GALNTL6: variants seen among roughly 807,000 people sequenced by gnomAD.
The protein encoded by GALNTL6 is polypeptide N-acetylgalactosaminyltransferase-like 6.
A neutral mutation model predicts 73.7 loss-of-function variants in GALNTL6; 46 were observed. That is an observed-to-expected ratio of 0.62 (90% CI 0.49 to 0.80). The LOEUF (loss-of-function observed/expected upper bound fraction) is 0.80, where lower values mean the gene tolerates loss of function less well. Ranked by LOEUF, GALNTL6 falls within the 30% of genes least tolerant of loss-of-function variation. The pLI, the probability that GALNTL6 is intolerant of heterozygous loss-of-function variation, is 0.00. For missense variants in GALNTL6, 604 were observed against 755.0 expected (o/e 0.80, Z 2.34); for synonymous variants, 259 against 263.7 (o/e 0.98, Z 0.17).
chr4:172,495,694 T>C (rs906860313), intron 5 of GALNTL6, among the ~76,000 whole-genome samples: 1 of 152,198 alleles, frequency 6.6e-6, no homozygotes, highest in African/African-American at 2.4e-5. Context: ...CAATCATCAA[T>C]GTGTAGATGG....
chr4:172,748,066 G>A (rs1737214744), intron 5 of GALNTL6, among the ~76,000 whole-genome samples: 1 of 152,114 alleles, frequency 6.6e-6, no homozygotes, highest in Non-Finnish European at 1.5e-5. Flanking sequence ...ATTGATATAA[G>A]CAAGACTTAG....
chr4:172,324,276 C>T lies in GALNTL6; in HGVS notation c.386+12524C>T, dbSNP rs148867787. On this transcript the variant is annotated intron_variant, in intron 4 of 12. Coordinates refer to ENST00000506823, the MANE Select transcript of GALNTL6 (RefSeq NM_001034845.3). ...CGTTGAATAATATGATAGAGTCAGACGCCAATGTTACTTGAACAAACTTAT... is the reference window on the plus strand; with the variant it reads ...CGTTGAATAATATGATAGAGTCAGATGCCAATGTTACTTGAACAAACTTAT... Among the ~76,000 whole-genome samples, 144 of 151,826 alleles carry T rather than the reference C, an allele frequency of 9.5e-4. 2 individuals are homozygous for T. The highest frequency in any genetic ancestry group is 3.2e-3 in the African/African-American group (131 of 41,480).
intron 2 of GALNTL6, among the ~76,000 whole-genome samples, chr4:172,205,082 C>T (rs998775447): frequency 6.6e-6 from 1 of 151,992 alleles, no homozygotes; most frequent in African/African-American, 2.4e-5. Context: ...AATTAAGAAC[C>T]CCTAGATACA....
intron 5 of GALNTL6, among the ~76,000 whole-genome samples, chr4:172,400,030 A>G (rs575612177): frequency 2.0e-5 from 3 of 152,258 alleles, no homozygotes; most frequent in South Asian, 4.1e-4. Context: ...CCTCAAATTT[A>G]TAACAGCCAA....
At chr4:172,242,161 A>C (rs1266049886) in intron 3 of GALNTL6, among the ~76,000 whole-genome samples, 1 of 152,126 alleles carries the variant, frequency 6.6e-6, no homozygotes, top group Non-Finnish European at 1.5e-5. Context: ...CATTTTATGG[A>C]ACTATAGATC....
At chr4:171,862,663 T>A (rs1034040326) in intron 2 of GALNTL6, among the ~76,000 whole-genome samples, 3 of 152,102 alleles carry the variant, frequency 2.0e-5, no homozygotes, top group Non-Finnish European at 4.4e-5. Context: ...CTGCATTTTA[T>A]AAAGAATGTC....
chr4:172,115,214 G>A (rs1436921426), intron 2 of GALNTL6, among the ~76,000 whole-genome samples: 4 of 152,070 alleles, frequency 2.6e-5, no homozygotes, highest in Non-Finnish European at 5.9e-5. Context: ...GCCTTGTCCA[G>A]TATTTTCCCC....
chr4:173,005,358 A>T (rs12640492), intron 10 of GALNTL6, among the ~76,000 whole-genome samples: 29,369 of 152,098 alleles, frequency 0.19, 2,904 homozygotes, highest in African/African-American at 0.23. Context: ...GAAACTGGGC[A>T]TCAAAGGAAT....
In GALNTL6 at chr4:172,508,733, A is replaced by C. The variant is rs1180192435; in HGVS notation, c.553+160044A>C. Among the ~76,000 whole-genome samples the C allele has an allele frequency of 5.8e-5, 3 of 51,750 alleles. 1 individual carries two copies. Among genetic ancestry groups the C allele is most frequent in the African/African-American group, 1.5e-4 (3 of 20,504 alleles). The allele number at this position is 51,750 out of a possible 152,430, so 34.0% of individuals were successfully genotyped here. On this transcript the variant is annotated intron_variant, in intron 5 of 12. Coordinates refer to ENST00000506823, the MANE Select transcript of GALNTL6 (RefSeq NM_001034845.3). ...CATCCAGTTTGCTGTGAATGCCATT[A>C]TTTCATTTCCTTTTTATGTCTGAGT...
At chr4:172,834,431 G>C (rs2111064364) in intron 7 of GALNTL6, among the ~76,000 whole-genome samples, 1 of 152,354 alleles carries the variant, frequency 6.6e-6, no homozygotes, top group Admixed American at 6.5e-5. Context: ...GAAGCTGGTG[G>C]TTTGACCACT....
At chr4:172,154,352 C>A (rs1417546355) in intron 2 of GALNTL6, among the ~76,000 whole-genome samples, 3 of 152,052 alleles carry the variant, frequency 2.0e-5, no homozygotes, top group African/African-American at 7.2e-5. Flanking sequence ...CCTGCCTCAG[C>A]CTCCCAAGTA....
At chr4:172,839,181 G>T (rs1009229486) in intron 7 of GALNTL6, among the ~76,000 whole-genome samples, 3 of 152,216 alleles carry the variant, frequency 2.0e-5, no homozygotes, top group Admixed American at 6.5e-5. Context: ...GGGCCCCAAG[G>T]TTGCAGGTCT....
At chr4:172,158,371 C>T (rs898690490) in intron 2 of GALNTL6, among the ~76,000 whole-genome samples, 3 of 151,596 alleles carry the variant, frequency 2.0e-5, no homozygotes, top group South Asian at 2.1e-4. Flanking sequence ...ACTACTTTCC[C>T]GCAGTACATA....
chr4:172,599,308 T>G (rs1474024771), intron 5 of GALNTL6, among the ~76,000 whole-genome samples: 1 of 152,102 alleles, frequency 6.6e-6, no homozygotes, highest in African/African-American at 2.4e-5. Flanking sequence ...AAAACCTCAT[T>G]TTGTCGTTAT....
At chr4:172,289,516 G>A in intron 3 of GALNTL6, among the ~76,000 whole-genome samples, 2 of 152,176 alleles carry the variant, frequency 1.3e-5, no homozygotes, top group South Asian at 2.1e-4. Flanking sequence ...TTTTCTTAAT[G>A]ACAACAATTA....
chr4:172,454,932 A>T (rs1408926731), intron 5 of GALNTL6, among the ~76,000 whole-genome samples: 8 of 152,218 alleles, frequency 5.3e-5, no homozygotes, highest in Non-Finnish European at 1.2e-4. Context: ...CAAGATGGCC[A>T]AATAGGAACA....
chr4:172,879,023 A>C (rs1745325963), intron 7 of GALNTL6, among the ~76,000 whole-genome samples: 1 of 151,904 alleles, frequency 6.6e-6, no homozygotes, highest in Non-Finnish European at 1.5e-5. Context: ...GGATAATAAA[A>C]GTCATTTCAT....
chr4:172,848,812 T>G (rs1268932348), intron 7 of GALNTL6, among the ~76,000 whole-genome samples: 1 of 152,174 alleles, frequency 6.6e-6, no homozygotes, highest in African/African-American at 2.4e-5. Context: ...CAGCTGCCAG[T>G]GGAAACAGAT....
At chr4:172,482,370 C>A (rs1579114554) in intron 5 of GALNTL6, among the ~76,000 whole-genome samples, 1 of 152,244 alleles carries the variant, frequency 6.6e-6, no homozygotes, top group Non-Finnish European at 1.5e-5. Flanking sequence ...AGAGCGGATG[C>A]CGAGCCCAAG....
Sources: allele counts gnomAD v4.1 joint callset (sites outside exome capture counted in the v4.1 genomes callset), GRCh38; gene constraint gnomAD v4.1.1; transcripts MANE v1.5; gene names NCBI Gene and HGNC (gene_info 2026-07-23, HGNC 2026-07-21).